SNX31: variants seen among roughly 807,000 people sequenced by gnomAD.
SNX31 encodes the protein sorting nexin-31.
In SNX31, 58 loss-of-function variants were observed where a neutral mutation model predicts 65.4. The ratio of observed to expected loss-of-function variants is 0.89; its 90% confidence interval spans 0.72 to 1.10. SNX31 has a LOEUF of 1.10. SNX31 is among the 50% of genes least tolerant of loss of function. SNX31 has a pLI of 0.00. For synonymous variants in SNX31, 181 were observed against 190.1 expected (o/e 0.95, Z 0.39); for missense variants, 523 against 529.7 (o/e 0.99, Z 0.12).
At chr8:100,663,561 A>G (rs1317088149), upstream of SNX31, 2 of 151,842 alleles carry the variant, frequency 1.3e-5, no homozygotes, top group African/African-American at 4.9e-5. Flanking sequence ...ACCCTATCGG[A>G]GTAAAAGGTC....
rs894802886 is a variant in SNX31 at position 100,576,151 on chromosome 8, T to A, written c.1227+868A>T. On this transcript the variant is annotated intron_variant, in intron 13 of 13. Coordinates refer to ENST00000311812, the MANE Select transcript of SNX31 (RefSeq NM_152628.4). This position sits in a 1 kb window ranked among gnomAD's most constrained non-coding sequence, Gnocchi z 4.8. Reference sequence around the variant, plus strand: ...GTGATTATGAAGGAGAATGCTTTTATGCATTTCTGCTAGTTTATTTTCCCT... The same window carrying A: ...GTGATTATGAAGGAGAATGCTTTTAAGCATTTCTGCTAGTTTATTTTCCCT... 6.6e-6 allele frequency among the ~76,000 whole-genome samples: 1 copy of A among 152,240 alleles called. No individual in the cohort carries two copies.
chr8:100,600,254 C>T lies in SNX31; in HGVS notation c.774+95G>A. The T allele has an allele frequency of 3.0e-6, 3 of 1,014,376 alleles. No homozygotes were observed. The South Asian group carries it at 4.2e-5, about 14-fold the overall frequency. 62.8% of individuals were successfully genotyped at this position (1,014,376 alleles called of 1,614,324 possible). The stretch of plus-strand genomic sequence containing the variant: ...TTTAAAAAGAGCCCCACTTTTAGTG[C>T]TTGGTAGGTTTATCAGTTACAGAAA... On this transcript the variant is annotated intron_variant, in intron 9 of 13. Coordinates refer to ENST00000311812, the MANE Select transcript of SNX31 (RefSeq NM_152628.4).
At chr8:100,584,261 C>G (rs1813825228) in intron 11 of SNX31, 73 bp from the exon 12 acceptor site, 3 of 1,243,102 alleles carry the variant, frequency 2.4e-6, no homozygotes, top group Non-Finnish European at 2.2e-6. Flanking sequence ...CCTCACACCA[C>G]AAAGCGGATT....
intron 2 of SNX31, among the ~76,000 whole-genome samples, chr8:100,645,068 A>C (rs2131281257): frequency 6.6e-6 from 1 of 152,390 alleles, no homozygotes; most frequent in African/African-American, 2.4e-5. Flanking sequence ...TCAGTTATCC[A>C]ACATGCAAAA....
chr8:100,615,016 A>T (rs1817048345), intron 5 of SNX31, among the ~76,000 whole-genome samples: 1 of 152,158 alleles, frequency 6.6e-6, no homozygotes, highest in South Asian at 2.1e-4. Context: ...ATAAAACTTA[A>T]ATTATGGTTT....
intron 2 of SNX31, among the ~76,000 whole-genome samples, chr8:100,639,929 G>A (rs1171086376): frequency 1.3e-5 from 2 of 152,124 alleles, no homozygotes; most frequent in Non-Finnish European, 2.9e-5. Context: ...AATCAGGAAT[G>A]GGAGTATGTC....
intron 1 of SNX31, chr8:100,657,784 T>G (rs1820075397): frequency 4.4e-6 from 2 of 455,702 alleles, no homozygotes; most frequent in Non-Finnish European, 8.8e-6. Flanking sequence ...GGCAGGAGAA[T>G]CCCTTGAACC....
At chr8:100,643,196 AAAAC>A (rs1819388003) in intron 2 of SNX31, among the ~76,000 whole-genome samples, 1 of 99,518 alleles carries the variant, frequency 1.0e-5, no homozygotes, top group African/African-American at 4.2e-5. Context: ...CCGTCTCAAA[AAAAC>A]AAAACAAAAC....
At chr8:100,582,199 T>A (rs1337494316) in intron 12 of SNX31, 1 of 152,238 alleles carries the variant, frequency 6.6e-6, no homozygotes, top group Non-Finnish European at 1.5e-5. Context: ...CTTGAAAACT[T>A]TAAATAGATT....
Position 100,660,221 on chromosome 8 carries a change from C to T in SNX31, c.-58+2921G>A, listed in dbSNP as rs983892796. Among the ~76,000 whole-genome samples the T allele has an allele frequency of 1.3e-5, 2 of 152,134 alleles. No individual in the cohort carries two copies. The highest frequency in any genetic ancestry group is 6.5e-5 in the Admixed American group (1 of 15,270). Reference sequence around the variant, plus strand: ...CTACTTTGTTCAATCTTCACACCTACCCACAGATTAGCTAATGGTATTAGC... The same window carrying T: ...CTACTTTGTTCAATCTTCACACCTATCCACAGATTAGCTAATGGTATTAGC... On this transcript the variant is annotated intron_variant, in intron 1 of 5. Coordinates refer to the SNX31 transcript ENST00000520352. The surrounding 1 kb of genome is among the most constrained non-coding windows in gnomAD (Gnocchi z 4.1).
At chr8:100,584,440 A>G (rs1003447009) in intron 11 of SNX31, among the ~76,000 whole-genome samples, 1 of 152,182 alleles carries the variant, frequency 6.6e-6, no homozygotes, top group Non-Finnish European at 1.5e-5. Flanking sequence ...TCTCACTATT[A>G]ACATTTTTCC....
intron 2 of SNX31, 31 bp downstream of exon 2, chr8:100,649,243 A>T (rs777374920): frequency 1.4e-4 from 221 of 1,608,288 alleles, no homozygotes; most frequent in Non-Finnish European, 1.8e-4. Context: ...GTCTCAGTGG[A>T]TGGGCTCGTA....
intron 4 of SNX31, among the ~76,000 whole-genome samples, chr8:100,624,180 T>C (rs1039270434): frequency 6.6e-6 from 1 of 152,180 alleles, no homozygotes; most frequent in Non-Finnish European, 1.5e-5. Flanking sequence ...CTGGGTGCTA[T>C]GGCATATACC....
intron 2 of SNX31, among the ~76,000 whole-genome samples, chr8:100,647,208 G>A (rs1325262399): frequency 6.6e-6 from 1 of 152,012 alleles, no homozygotes; most frequent in Non-Finnish European, 1.5e-5. Context: ...TATGGAAGTT[G>A]GAAACTAGAC....
intron 5 of SNX31, among the ~76,000 whole-genome samples, chr8:100,615,287 A>AT (rs1234396376): frequency 6.6e-6 from 1 of 152,206 alleles, no homozygotes; most frequent in Non-Finnish European, 1.5e-5. Flanking sequence ...GACAAAACAG[A>AT]TGGTACCACA....
chr8:100,580,177 A>C (rs1054720386), intron 12 of SNX31, among the ~76,000 whole-genome samples: 2 of 146,552 alleles, frequency 1.4e-5, no homozygotes, highest in African/African-American at 5.1e-5. Context: ...AAAAAAAAAA[A>C]CAGTCTTTTT....
chr8:100,631,384 C>T (rs138590432), intron 3 of SNX31, among the ~76,000 whole-genome samples: 1 of 151,792 alleles, frequency 6.6e-6, no homozygotes, highest in African/African-American at 2.4e-5. Context: ...CACTTACATA[C>T]TTACTAAATG....
chr8:100,593,717 G>A (rs1018578007), intron 10 of SNX31, among the ~76,000 whole-genome samples: 17 of 152,010 alleles, frequency 1.1e-4, no homozygotes, highest in African/African-American at 3.9e-4. Flanking sequence ...GCCTCCCAAA[G>A]TGCTGGGATT....
chr8:100,628,215 T>A (rs1818174913), intron 4 of SNX31, among the ~76,000 whole-genome samples: 1 of 152,168 alleles, frequency 6.6e-6, no homozygotes. Context: ...AGAAATATCA[T>A]TTGACCCAGC....
Sources: gnomAD v4.1 joint callset for allele counts (sites outside exome capture counted in the v4.1 genomes callset) on GRCh38, gnomAD v4.1.1 for gene constraint, Gnocchi (gnomAD v3.1) non-coding constraint, MANE v1.5 for transcripts, NCBI Gene and HGNC (gene_info 2026-07-23, HGNC 2026-07-21) for gene names.